SETDB1: variants seen among roughly 807,000 people sequenced by gnomAD.
SETDB1 encodes the protein histone-lysine N-methyltransferase SETDB1.
SETDB1 carries 31 observed loss-of-function variants against 137.4 expected under a neutral mutation model. The observed-to-expected ratio is 0.23, with a 90% CI of 0.17 to 0.30. The LOEUF (loss-of-function observed/expected upper bound fraction) is 0.30. SETDB1 is among the 10% of genes least tolerant of loss of function. The pLI is 1.00. For missense variants in SETDB1, 1,113 were observed against 1,631.5 expected (o/e 0.68, Z 5.47); for synonymous variants, 548 against 579.9 (o/e 0.95, Z 0.79).
chr1:150,950,979 C>T lies in SETDB1; in HGVS notation c.2105C>T (p.Pro702Leu), dbSNP rs942766052. 1 of 1,614,054 alleles carries T rather than the reference C, an allele frequency of 6.2e-7. No individual in the cohort carries two copies. Among genetic ancestry groups the T allele is most frequent in the Non-Finnish European group, 8.5e-7 (1 of 1,180,034 alleles). ...TGTGTCAATGAGATTGACACAACCC[C>T]TCCACCCCAGGTGGCCTACAGCAAG... ...LSCVNEIDTT[P>L]PPQVAYSKER... Residue 702 changes from proline to leucine, a missense_variant, in exon 13 of 22, where the codon CCT (proline) becomes CTT (leucine). Pro to Leu is a moderately conservative substitution (Grantham distance 98). Transcript: ENST00000692827.
chr1:150,962,553 A>G, intron 17 of SETDB1, 34 bp from the exon 18 acceptor site: 2 of 1,611,484 alleles, frequency 1.2e-6, no homozygotes, highest in Non-Finnish European at 1.7e-6. Flanking sequence ...AACAGCCAGT[A>G]ACCTGTTGGC....
At chr1:150,926,945 G>A (rs1006086394) in intron 1 of SETDB1, 1 of 443,164 alleles carries the variant, frequency 2.3e-6, no homozygotes, top group Non-Finnish European at 4.6e-6. Context: ...GTAATATAAG[G>A]GGAACAAGTA....
chr1:150,952,842 G>A (rs1442524378), intron 14 of SETDB1, among the ~76,000 whole-genome samples: 2 of 152,112 alleles, frequency 1.3e-5, no homozygotes, highest in African/African-American at 2.4e-5. Context: ...AGCTAAGATC[G>A]CACCATTGCA....
chr1:150,929,765 G>A (rs1669666781), intron 2 of SETDB1, among the ~76,000 whole-genome samples: 1 of 152,050 alleles, frequency 6.6e-6, no homozygotes, highest in Non-Finnish European at 1.5e-5. Flanking sequence ...GGATTTTTGA[G>A]GAACTAGTCT....
chr1:150,942,538 G>A, intron 5 of SETDB1, 25 bp from the exon 6 acceptor site: 1 of 1,599,392 alleles, frequency 6.3e-7, no homozygotes, highest in Non-Finnish European at 8.5e-7. Context: ...CATAACTCTT[G>A]AGAATAACTT....
At position 150,961,123 on chromosome 1, in the gene SETDB1, G is replaced by T; in HGVS notation, c.3064G>T (p.Ala1022Ser). Reference protein sequence around the residue: ...EGRAGGSRMEAEKASTSGLGI... With the variant: ...EGRAGGSRMESEKASTSGLGI... Reference sequence around the variant, plus strand: ...CCGGGCTGGGGGAAGCCGAATGGAGGCTGAGAAGGCCTCCACCTCAGGACT... The same window carrying T: ...CCGGGCTGGGGGAAGCCGAATGGAGTCTGAGAAGGCCTCCACCTCAGGACT... The change falls in exon 16 of 22, where the codon GCT (alanine) becomes TCT (serine). Residue 1022 changes from alanine to serine, a missense_variant. Around this residue, in one of 11 missense-constraint regions of SETDB1, gnomAD observed 373 missense variants for 412.7 expected, o/e 0.90. Coordinates refer to ENST00000692827, the MANE Select transcript of SETDB1 (RefSeq NM_001366418.1). The T allele has an allele frequency of 1.2e-6, 2 of 1,614,072 alleles. No individual in the cohort carries two copies. The highest frequency in any genetic ancestry group is 1.7e-6 in the Non-Finnish European group (2 of 1,179,982).
In SETDB1 at chr1:150,964,498, C is replaced by G. The variant is rs1254229232; in HGVS notation, c.*134C>G. ...CTCCTAGTTGATAGAAATGGGGGTT[C>G]TGGACCAGATGATCCCTTCCAATGT... On this transcript the variant is annotated 3_prime_UTR_variant, in exon 22 of 22. Coordinates refer to ENST00000692827, the MANE Select transcript of SETDB1 (RefSeq NM_001366418.1). The G allele has an allele frequency of 1.4e-6, 1 of 730,678 alleles. No individual in the cohort carries two copies. The highest frequency in any genetic ancestry group is 2.5e-6 in the Non-Finnish European group (1 of 404,958). The allele number at this position is 730,678 out of a possible 1,614,324, so 45.3% of individuals were successfully genotyped here.
chr1:150,936,975 AT>A (rs1669964322), intron 3 of SETDB1, among the ~76,000 whole-genome samples: 1 of 152,152 alleles, frequency 6.6e-6, no homozygotes, highest in African/African-American at 2.4e-5. Flanking sequence ...AAATACAAAA[AT>A]TAGCTGGGTA....
intron 5 of SETDB1, among the ~76,000 whole-genome samples, 157 bp downstream of exon 5, chr1:150,941,585 G>A (rs1044530246): frequency 6.6e-6 from 1 of 152,204 alleles, no homozygotes; most frequent in African/African-American, 2.4e-5. Flanking sequence ...TTTCCAGTCT[G>A]TGATGGTTTT....
chr1:150,942,754 T>C (rs925499715), intron 6 of SETDB1, 66 bp downstream of exon 6: 50 of 1,597,566 alleles, frequency 3.1e-5, no homozygotes, highest in Non-Finnish European at 4.0e-5. Flanking sequence ...TGATTGTTTC[T>C]TTTCCCCATA....
At chr1:150,926,653 G>A (rs1165306314) in intron 1 of SETDB1, 136 bp downstream of exon 1, 3 of 484,522 alleles carry the variant, frequency 6.2e-6, no homozygotes, top group Admixed American at 5.0e-5. Context: ...CTGGGTTTGC[G>A]AATGGGTAGG....
In SETDB1 at chr1:150,963,524, G is replaced by T. The variant is rs1479075247; in HGVS notation, c.3461-6G>T. 1.2e-6 allele frequency: 2 copies of T among 1,607,458 alleles called. No homozygotes were observed. Among genetic ancestry groups the T allele is most frequent in the Admixed American group, 1.7e-5 (1 of 59,774 alleles). On this transcript the variant is annotated splice_polypyrimidine_tract_variant and splice_region_variant and intron_variant, in intron 19 of 21. Coordinates refer to ENST00000692827, the MANE Select transcript of SETDB1 (RefSeq NM_001366418.1). ...GGGTCCTGACCCCATTCTCCCTCCTGTCCAGGTCCAATGAAGCGTCAAGTG... is the reference window on the plus strand; with the variant it reads ...GGGTCCTGACCCCATTCTCCCTCCTTTCCAGGTCCAATGAAGCGTCAAGTG...
intron 18 of SETDB1, 121 bp from the exon 19 acceptor site, chr1:150,962,853 C>G: frequency 6.9e-7 from 1 of 1,450,636 alleles, no homozygotes; most frequent in Non-Finnish European, 9.4e-7. Context: ...TATTTTCTTT[C>G]ATCCAGCATC....
At chr1:150,944,341 G>C (rs921145875) in intron 8 of SETDB1, among the ~76,000 whole-genome samples, 2 of 152,160 alleles carry the variant, frequency 1.3e-5, no homozygotes, top group Non-Finnish European at 2.9e-5. Context: ...CCTAACATTT[G>C]TATAAATGTG....
chr1:150,943,818 T>C (rs1670236344), intron 7 of SETDB1, 102 bp from the exon 8 acceptor site: 1 of 729,024 alleles, frequency 1.4e-6, no homozygotes, highest in African/African-American at 1.7e-5. Flanking sequence ...GAGTGCATCG[T>C]GTTGTGATCC....
At chr1:150,928,090 C>G in intron 2 of SETDB1, 116 bp downstream of exon 2, 1 of 1,236,026 alleles carries the variant, frequency 8.1e-7, no homozygotes, top group Non-Finnish European at 1.1e-6. Context: ...CGGAGTCTCG[C>G]TCTGTCACCC....
At chr1:150,953,740 A>T (rs1453494633) in intron 14 of SETDB1, among the ~76,000 whole-genome samples, 1 of 152,044 alleles carries the variant, frequency 6.6e-6, no homozygotes, top group Admixed American at 6.6e-5. Flanking sequence ...GAGGCAAGAG[A>T]ATCGCTTGAA....
intron 3 of SETDB1, among the ~76,000 whole-genome samples, chr1:150,936,836 A>T (rs1669959334): frequency 2.0e-5 from 3 of 152,018 alleles, no homozygotes; most frequent in African/African-American, 2.4e-5. Context: ...AAAAAAAAAA[A>T]TTTGTAGGTT....
intron 3 of SETDB1, among the ~76,000 whole-genome samples, chr1:150,932,963 G>GT (rs923477869): frequency 4.6e-5 from 7 of 151,736 alleles, no homozygotes; most frequent in African/African-American, 9.7e-5. Context: ...AATATTTGGG[G>GT]TTTTTTTGAT....
Sources: allele counts gnomAD v4.1 joint callset (sites outside exome capture counted in the v4.1 genomes callset), GRCh38; gene constraint gnomAD v4.1.1; regional missense constraint gnomAD v4.1.1; transcripts MANE v1.5; gene names NCBI Gene and HGNC (gene_info 2026-07-23, HGNC 2026-07-21).